The following RORA variants were observed in gnomAD, a reference collection of about 807,000 sequenced individuals.
RORA encodes nuclear receptor ROR-alpha.
A neutral mutation model predicts 69.5 loss-of-function variants in RORA; 7 were observed. The observed-to-expected ratio is 0.10, with a 90% CI of 0.06 to 0.19. The LOEUF is 0.19. RORA is among the 10% of genes least tolerant of loss of function. RORA has a pLI of 1.00. For synonymous variants in RORA, 261 were observed against 240.8 expected (o/e 1.08, Z -0.78); for missense variants, 457 against 663.0 (o/e 0.69, Z 3.41).
At chr15:61,125,658 T>C (rs1392965640) in intron 1 of RORA, among the ~76,000 whole-genome samples, 1 of 152,226 alleles carries the variant, frequency 6.6e-6, no homozygotes, top group Non-Finnish European at 1.5e-5. Flanking sequence ...TTTTTAAAAA[T>C]TGACAATGCT....
chr15:60,502,729 T>A (rs879129106), intron 8 of RORA, 31 bp downstream of exon 8: 3 of 1,337,614 alleles, frequency 2.2e-6, no homozygotes, highest in East Asian at 2.3e-5. Flanking sequence ...TAGCCCTGAT[T>A]TGAAGAAAAG....
chr15:60,605,047 C>G (rs1038741034), intron 2 of RORA, among the ~76,000 whole-genome samples: 3 of 152,134 alleles, frequency 2.0e-5, no homozygotes, highest in African/African-American at 7.2e-5. Context: ...TGCTAACTCT[C>G]CATGTATTTG....
intron 2 of RORA, among the ~76,000 whole-genome samples, chr15:60,666,012 T>C (rs1295106627): frequency 6.6e-6 from 1 of 152,102 alleles, no homozygotes. Flanking sequence ...AAAATATCAT[T>C]ATTTTTGGCC....
At chr15:61,170,554 G>C (rs1023595501) in intron 1 of RORA, among the ~76,000 whole-genome samples, 1 of 152,200 alleles carries the variant, frequency 6.6e-6, no homozygotes, top group African/African-American at 2.4e-5. Context: ...TTCCATGCAA[G>C]GTAACAGATT....
At chr15:60,872,280 A>G (rs935497345) in intron 1 of RORA, among the ~76,000 whole-genome samples, 1 of 152,310 alleles carries the variant, frequency 6.6e-6, no homozygotes, top group South Asian at 2.1e-4. Flanking sequence ...AAGATCATAT[A>G]CAAAGATGCT....
intron 1 of RORA, among the ~76,000 whole-genome samples, chr15:60,826,783 CTCTCTCTTTTTTT>C (rs374605261): frequency 0.048 from 5,515 of 114,466 alleles, 112 homozygotes; most frequent in Middle Eastern, 0.14. Context: ...CTCTCTCTCT[CTCTCTCTTTTTTT>C]TTTAAAGACA....
At chr15:60,747,195 A>G (rs1416878469) in intron 1 of RORA, among the ~76,000 whole-genome samples, 1 of 152,238 alleles carries the variant, frequency 6.6e-6, no homozygotes, top group African/African-American at 2.4e-5. Context: ...CACCTCCCAG[A>G]TAACAGCAAT....
intron 1 of RORA, among the ~76,000 whole-genome samples, chr15:61,186,107 ATC>A (rs1235057216): frequency 6.6e-6 from 1 of 152,212 alleles, no homozygotes; most frequent in East Asian, 1.9e-4. Context: ...GCAAAATACA[ATC>A]TGTTTGTTGA....
At chr15:60,857,848 G>C (rs1036639549) in intron 1 of RORA, among the ~76,000 whole-genome samples, 1 of 152,232 alleles carries the variant, frequency 6.6e-6, no homozygotes, top group African/African-American at 2.4e-5. Flanking sequence ...GCTGGAAGGA[G>C]GTCTTACAGA....
intron 1 of RORA, among the ~76,000 whole-genome samples, chr15:60,980,517 T>G (rs1894013961): frequency 6.6e-6 from 1 of 152,278 alleles, no homozygotes; most frequent in Middle Eastern, 3.4e-3. Flanking sequence ...CCTGAGCTTT[T>G]CTTTGTTAGA....
At position 60,540,574 on chromosome 15, in the gene RORA, C is replaced by CCACCG. The variant is rs72120718; in HGVS notation, c.197-8724_197-8723insCGGTG. Among the ~76,000 whole-genome samples, 333 of 102,668 alleles carry CCACCG rather than the reference C, an allele frequency of 3.2e-3. 44 individuals carry two copies. The highest frequency in any genetic ancestry group is 5.2e-3 in the Middle Eastern group (1 of 192). 67.4% of individuals were successfully genotyped at this position (102,668 alleles called of 152,430 possible). ...TGCACAATTTCCATGACCCCCCCCC[C>CCACCG]CCAAAACTGTGCGGTCACAAAACCC... On this transcript the variant is annotated intron_variant, in intron 2 of 10. Coordinates refer to ENST00000335670, the MANE Select transcript of RORA (RefSeq NM_134261.3).
Position 61,131,804 on chromosome 15 carries a change from T to C in RORA, c.166+97249A>G, listed in dbSNP as rs1414986886. ...AGGAGTGAGAAAAATGAAACTGGACTCCAGTTCTGCCACCAAACGGATGTG... is the reference window on the plus strand; with the variant it reads ...AGGAGTGAGAAAAATGAAACTGGACCCCAGTTCTGCCACCAAACGGATGTG... On this transcript the variant is annotated intron_variant, in intron 1 of 10. Transcript: ENST00000335670. This position sits in a 1 kb window ranked among gnomAD's most constrained non-coding sequence, Gnocchi z 4.2. Among the ~76,000 whole-genome samples, 1 of 152,190 alleles carries C rather than the reference T, an allele frequency of 6.6e-6. No homozygotes were observed.
chr15:60,612,757 A>C (rs1456892792), intron 2 of RORA, among the ~76,000 whole-genome samples: 1 of 148,048 alleles, frequency 6.8e-6, no homozygotes, highest in Non-Finnish European at 1.5e-5. Context: ...TTATATTTTA[A>C]GGGCTTTGGA....
At chr15:60,944,466 C>T (rs1892801728) in intron 1 of RORA, among the ~76,000 whole-genome samples, 1 of 152,066 alleles carries the variant, frequency 6.6e-6, no homozygotes, top group African/African-American at 2.4e-5. Flanking sequence ...CCTGTAATCC[C>T]AGCACTTTGG....
intron 1 of RORA, among the ~76,000 whole-genome samples, chr15:60,870,015 T>A (rs1395478472): frequency 2.0e-5 from 3 of 152,240 alleles, no homozygotes. Context: ...TGTGGTTGAC[T>A]GGGCCAAGGA....
At chr15:60,677,596 A>AT (rs2070573730) in intron 2 of RORA, among the ~76,000 whole-genome samples, 1 of 119,310 alleles carries the variant, frequency 8.4e-6, no homozygotes, top group Non-Finnish European at 1.8e-5. Flanking sequence ...TTTTTTTTTC[A>AT]TTTTTGTTTT....
chr15:60,873,702 C>T (rs544576494), intron 1 of RORA, among the ~76,000 whole-genome samples: 7 of 152,132 alleles, frequency 4.6e-5, no homozygotes, highest in African/African-American at 1.7e-4. Context: ...TGTTCTGGAA[C>T]ATAAAGTAGC....
At chr15:61,032,263 T>C (rs766382123) in intron 1 of RORA, among the ~76,000 whole-genome samples, 3 of 152,202 alleles carry the variant, frequency 2.0e-5, no homozygotes, top group Non-Finnish European at 4.4e-5. Flanking sequence ...AGCTATAAAA[T>C]GTGACCCAAA....
intron 1 of RORA, among the ~76,000 whole-genome samples, chr15:61,093,051 G>A (rs1354711728): frequency 6.6e-6 from 1 of 152,118 alleles, no homozygotes; most frequent in Non-Finnish European, 1.5e-5. Flanking sequence ...TCTATCTGCT[G>A]TCAATACTGC....
Sources: allele counts gnomAD v4.1 joint callset (sites outside exome capture counted in the v4.1 genomes callset), GRCh38; gene constraint gnomAD v4.1.1; non-coding constraint Gnocchi (gnomAD v3.1); transcripts MANE v1.5; gene names NCBI Gene and HGNC (gene_info 2026-07-23, HGNC 2026-07-21).